The following GLDC variants were observed in gnomAD, a reference collection of about 807,000 sequenced individuals.
GLDC encodes the protein glycine dehydrogenase (decarboxylating), mitochondrial.
In GLDC, 104 loss-of-function variants were observed where a neutral mutation model predicts 121.3. That is an observed-to-expected ratio of 0.86 (90% confidence interval 0.73 to 1.01). The LOEUF (loss-of-function observed/expected upper bound fraction) is 1.01. GLDC is among the 50% of genes least tolerant of loss of function. The probability of loss-of-function intolerance (pLI) is 0.00; values close to 1 mark genes in which losing one functional copy is unlikely to be tolerated. For synonymous variants in GLDC, 546 were observed against 480.6 expected (o/e 1.14, Z -1.78); for missense variants, 1,429 against 1,306.6 (o/e 1.09, Z -1.44).
At chr9:6,537,358 A>G (rs960559483) in intron 22 of GLDC, among the ~76,000 whole-genome samples, 4 of 152,214 alleles carry the variant, frequency 2.6e-5, no homozygotes, top group Non-Finnish European at 4.4e-5. Context: ...TCCCAGGTTG[A>G]TACACCTCTG....
intron 15 of GLDC, among the ~76,000 whole-genome samples, chr9:6,571,753 T>C (rs941943268): frequency 3.3e-5 from 5 of 152,216 alleles, no homozygotes; most frequent in African/African-American, 1.2e-4. Flanking sequence ...AATTTTCCAT[T>C]TAATATTTTT....
intron 3 of GLDC, among the ~76,000 whole-genome samples, chr9:6,611,423 GCAC>G (rs1479634953): frequency 6.6e-6 from 1 of 152,162 alleles, no homozygotes; most frequent in African/African-American, 2.4e-5. Context: ...AGGCGTGGTG[GCAC>G]GTGCCTGTAG....
At chr9:6,565,452 G>C in intron 15 of GLDC, 23 bp from the exon 16 acceptor site, 8 of 1,580,700 alleles carry the variant, frequency 5.1e-6, no homozygotes, top group East Asian at 2.2e-5. Context: ...AGAAGAAAGG[G>C]ATCACGGTTA....
chr9:6,594,942 C>T lies in GLDC; in HGVS notation c.1261+72G>A, dbSNP rs6477094. On this transcript the variant is annotated intron_variant, in intron 9 of 24. Coordinates refer to ENST00000321612, the MANE Select transcript of GLDC (RefSeq NM_000170.3). ...AATTTTGCATATAGTATTGGACATGCAATATTTTCAATTTTACTCAAATTT... is the reference window on the plus strand; with the variant it reads ...AATTTTGCATATAGTATTGGACATGTAATATTTTCAATTTTACTCAAATTT... 215,251 of 899,722 alleles carry T rather than the reference C, an allele frequency of 0.24. 28,384 individuals are homozygous for T. The highest frequency in any genetic ancestry group is 0.31 in the Middle Eastern group (992 of 3,246). The allele number at this position is 899,722 out of a possible 1,614,324, so 55.7% of individuals were successfully genotyped here.
intron 8 of GLDC, 81 bp downstream of exon 8, chr9:6,602,028 T>C (rs1429938792): frequency 1.1e-6 from 1 of 894,120 alleles, no homozygotes; most frequent in Non-Finnish European, 1.9e-6. Context: ...GGTGAATAAA[T>C]GAACAAATGA....
At chr9:6,604,542 G>A in intron 7 of GLDC, 46 bp downstream of exon 7, 3 of 1,503,524 alleles carry the variant, frequency 2.0e-6, no homozygotes, top group Non-Finnish European at 2.8e-6. Flanking sequence ...AAGAAATCAG[G>A]GAAATCATAA....
rs1819053954 is a variant in GLDC at position 6,620,070 on chromosome 9, C to T, written c.470+114G>A. The T allele has an allele frequency of 1.3e-5, 13 of 985,564 alleles. No individual in the cohort carries two copies. The South Asian group carries it at 1.5e-4, about 12-fold the overall frequency. The allele number at this position is 985,564 out of a possible 1,614,324, so 61.1% of individuals were successfully genotyped here. A position where few individuals can be genotyped will look rare whatever the true frequency, so the allele number is the denominator to read the frequency against. On this transcript the variant is annotated intron_variant, in intron 3 of 24. Coordinates refer to ENST00000321612, the MANE Select transcript of GLDC (RefSeq NM_000170.3). ...GTAGGTTCCCGGACATTGGAGACAG[C>T]ACTAGGAGGTGGGTGTCAGTGTGGA...
intron 3 of GLDC, among the ~76,000 whole-genome samples, chr9:6,617,477 G>A (rs773105675): frequency 2.0e-5 from 3 of 152,020 alleles, no homozygotes; most frequent in Non-Finnish European, 4.4e-5. Context: ...TTTTCTTAAG[G>A]GGGAAGAGAA....
rs1478841969 is a variant in GLDC at position 6,554,561 on chromosome 9, G to C, written c.2315+108C>G. 3 of 821,968 alleles carry C rather than the reference G, an allele frequency of 3.6e-6. No homozygotes were observed. In the African/African-American group the frequency reaches 5.1e-5, roughly 14 times the overall value. The allele number at this position is 821,968 out of a possible 1,614,324, so 50.9% of individuals were successfully genotyped here. ...GCCCCTACAAGTGCACTACACCGAT[G>C]AGGGTATCCTCAACACATGAAGACT... On this transcript the variant is annotated intron_variant, in intron 19 of 24. Transcript: ENST00000321612.
chr9:6,540,034 T>G lies in GLDC; in HGVS notation c.2665+17A>C. 6.5e-7 allele frequency: 1 copy of G among 1,535,018 alleles called. No individual in the cohort carries two copies. Among genetic ancestry groups the G allele is most frequent in the South Asian group, 1.1e-5 (1 of 89,470 alleles). ...CAGCCAGCATGGGCGGCGGCATGAA[T>G]GTCAAAAGCCACTTACCATAATCCT... On this transcript the variant is annotated intron_variant, in intron 22 of 24. Transcript: ENST00000321612.
chr9:6,606,681 A>T lies in GLDC; in HGVS notation c.636-12T>A. The T allele has an allele frequency of 6.6e-7, 1 of 1,525,790 alleles. No individual in the cohort carries two copies. The highest frequency in any genetic ancestry group is 1.1e-5 in the South Asian group (1 of 89,054). The allele number at this position is 1,525,790 out of a possible 1,614,324, so 94.5% of individuals were successfully genotyped here. On this transcript the variant is annotated splice_polypyrimidine_tract_variant and intron_variant, in intron 4 of 24. Transcript: ENST00000321612. ...TCCTCTTGTTGTGTCTGTTGAAAAG[A>T]AAAAGCACATTCCAACGTGAACATT...
At chr9:6,565,659 C>T (rs976849588) in intron 15 of GLDC, 9 of 617,916 alleles carry the variant, frequency 1.5e-5, no homozygotes, top group East Asian at 2.7e-5. Flanking sequence ...ACCACTCCTA[C>T]CCAAAGATGG....
chr9:6,614,398 C>T (rs1437799747), intron 3 of GLDC, among the ~76,000 whole-genome samples: 1 of 151,456 alleles, frequency 6.6e-6, no homozygotes, highest in Non-Finnish European at 1.5e-5. Context: ...CCACGCCCAG[C>T]TAATTTTTAT....
intron 1 of GLDC, 25 bp downstream of exon 1, chr9:6,645,220 C>G (rs773478697): frequency 6.4e-7 from 1 of 1,562,000 alleles, no homozygotes; most frequent in Non-Finnish European, 8.7e-7. Flanking sequence ...GGGGAGGCCG[C>G]GGAGGGCCGG....
chr9:6,620,483 CAA>C (rs34280433), intron 2 of GLDC, among the ~76,000 whole-genome samples, 164 bp from the exon 3 acceptor site: 16 of 142,930 alleles, frequency 1.1e-4, no homozygotes, highest in Admixed American at 3.5e-4. Context: ...TGCGACATCT[CAA>C]AAAAAAAAAA....
At chr9:6,632,998 G>T (rs994621083) in intron 2 of GLDC, among the ~76,000 whole-genome samples, 3 of 151,880 alleles carry the variant, frequency 2.0e-5, no homozygotes, top group Admixed American at 6.6e-5. Context: ...GACCGATCAA[G>T]GGTCCTCGCC....
chr9:6,605,157 G>C lies in GLDC; in HGVS notation c.835C>G (p.Leu279Val). The C allele has an allele frequency of 6.2e-7, 1 of 1,613,064 alleles. No individual in the cohort carries two copies. The highest frequency in any genetic ancestry group is 8.5e-7 in the Non-Finnish European group (1 of 1,179,950). Residue 279 changes from leucine (L) to valine (V), a missense_variant, in exon 6 of 25, where the codon CTC (leucine) becomes GTC (valine). Leu to Val is a conservative substitution (Grantham distance 32). Coordinates refer to ENST00000321612, the MANE Select transcript of GLDC (RefSeq NM_000170.3). ...TEGKVEDFTE[L>V]VERAHQSGSL... ...CCACTCTGATGAGCTCTCTCCACGAGTTCCGTAAAGTCTTCCACCTTCCCC... is the reference window on the plus strand; with the variant it reads ...CCACTCTGATGAGCTCTCTCCACGACTTCCGTAAAGTCTTCCACCTTCCCC...
At chr9:6,587,335 C>G (rs777224276) in intron 14 of GLDC, 52 bp from the exon 15 acceptor site, 9 of 1,290,490 alleles carry the variant, frequency 7.0e-6, no homozygotes, top group Non-Finnish European at 1.0e-5. Context: ...ATAGCAATAG[C>G]AATAATAACT....
In GLDC at chr9:6,605,141, T is replaced by C; in HGVS notation, c.851A>G (p.His284Arg). The C allele has an allele frequency of 1.9e-6, 3 of 1,611,132 alleles. No individual in the cohort carries two copies. The highest frequency in any genetic ancestry group is 2.2e-5 in the East Asian group (1 of 44,878). The change falls in exon 6 of 25, where the codon CAT becomes CGT. Residue 284 changes from histidine (H) to arginine (R), a missense_variant. Coordinates refer to ENST00000321612, the MANE Select transcript of GLDC (RefSeq NM_000170.3). ...EDFTELVERA[H>R]QSGSLACCAT... ...GAAAGGTATACCTACCCCACTCTGA[T>C]GAGCTCTCTCCACGAGTTCCGTAAA...
Sources: allele counts gnomAD v4.1 joint callset (sites outside exome capture counted in the v4.1 genomes callset), GRCh38; gene constraint gnomAD v4.1.1; transcripts MANE v1.5; gene names NCBI Gene and HGNC (gene_info 2026-07-23, HGNC 2026-07-21).